The following POLR3B variants were observed in gnomAD, a reference collection of about 807,000 sequenced individuals.
The protein encoded by POLR3B is RNA polymerase III subunit B, also known as DNA-directed RNA polymerase III subunit RPC2.
Under a neutral mutation model 147.4 loss-of-function variants are expected in POLR3B, and 96 were observed. The observed-to-expected ratio is 0.65, with a 90% CI of 0.55 to 0.77. POLR3B has a LOEUF of 0.77. POLR3B is among the 30% of genes least tolerant of loss of function. POLR3B has a pLI of 0.00. For missense variants in POLR3B, 1,036 were observed against 1,413.5 expected (o/e 0.73, Z 4.28); for synonymous variants, 461 against 485.9 (o/e 0.95, Z 0.67).
chr12:106,378,937 G>A (rs1306594146), intron 8 of POLR3B, among the ~76,000 whole-genome samples: 1 of 152,160 alleles, frequency 6.6e-6, no homozygotes, highest in Non-Finnish European at 1.5e-5. Context: ...AGGTTAATGA[G>A]TTCTGGGAAT....
chr12:106,493,205 G>A lies in POLR3B; in HGVS notation c.2714-2850G>A, dbSNP rs138446064. On this transcript the variant is annotated intron_variant, in intron 23 of 27. Transcript: ENST00000228347. ...TCCAGGGGAGTGTTAACACATTGAAGCGCACCGCATATCATTTACATTTTA... is the reference window on the plus strand; with the variant it reads ...TCCAGGGGAGTGTTAACACATTGAAACGCACCGCATATCATTTACATTTTA... Among the ~76,000 whole-genome samples the A allele has an allele frequency of 4.5e-3, 692 of 152,256 alleles. 4 individuals carry two copies. The highest frequency in any genetic ancestry group is 0.016 in the African/African-American group (667 of 41,530).
At chr12:106,472,490 G>A (rs1349460573) in intron 23 of POLR3B, among the ~76,000 whole-genome samples, 1 of 149,576 alleles carries the variant, frequency 6.7e-6, no homozygotes, top group Non-Finnish European at 1.5e-5. Context: ...CAGTGTAAAA[G>A]TGTTCCTATT....
chr12:106,439,003 A>G (rs2037615580), intron 18 of POLR3B, among the ~76,000 whole-genome samples: 1 of 152,318 alleles, frequency 6.6e-6, no homozygotes, highest in East Asian at 1.9e-4. Flanking sequence ...ACTTACCTGA[A>G]ATTGGAATTC....
At chr12:106,398,771 T>G (rs1364981526) in intron 10 of POLR3B, among the ~76,000 whole-genome samples, 1 of 152,124 alleles carries the variant, frequency 6.6e-6, no homozygotes. Flanking sequence ...CAGCTGAGGG[T>G]ACTGTCTGTT....
At position 106,430,529 on chromosome 12, in the gene POLR3B, A is replaced by T. The variant is rs2037494311; in HGVS notation, c.1464+56A>T. The T allele has an allele frequency of 1.8e-5, 25 of 1,415,872 alleles. No individual in the cohort carries two copies. The South Asian group carries it at 2.9e-4, about 16-fold the overall frequency. 87.7% of individuals were successfully genotyped at this position (1,415,872 alleles called of 1,614,324 possible). A position where few individuals can be genotyped will look rare whatever the true frequency, so the allele number is the denominator to read the frequency against. On this transcript the variant is annotated intron_variant, in intron 14 of 27. Coordinates refer to ENST00000228347, the MANE Select transcript of POLR3B (RefSeq NM_018082.6). ...TAAGAGGCGATACCTATGTCTGTGC[A>T]TGGGGTGGGGTGGGGAGGTCTGCTT...
At chr12:106,402,492 C>T (rs889901134) in intron 10 of POLR3B, among the ~76,000 whole-genome samples, 7 of 152,226 alleles carry the variant, frequency 4.6e-5, no homozygotes, top group South Asian at 2.1e-4. Context: ...AAAAAGAGCC[C>T]GCATCGCCAA....
At chr12:106,358,105 T>C (rs899559652) in intron 1 of POLR3B, 154 bp downstream of exon 1, 10 of 1,510,458 alleles carry the variant, frequency 6.6e-6, no homozygotes, top group African/African-American at 2.8e-5. Context: ...TGCGAGTCTT[T>C]TTTCCAGAGC....
intron 23 of POLR3B, among the ~76,000 whole-genome samples, chr12:106,471,447 T>A (rs375887144): frequency 4.4e-4 from 67 of 152,222 alleles, no homozygotes; most frequent in African/African-American, 1.5e-3. Flanking sequence ...CTGCCCTGCT[T>A]CAGCTTGCCT....
At chr12:106,459,512 C>T (rs2037908540) in intron 22 of POLR3B, 144 bp downstream of exon 22, 1 of 688,400 alleles carries the variant, frequency 1.5e-6, no homozygotes, top group African/African-American at 1.8e-5. Context: ...AAAAGCATGG[C>T]ATAGAAGATA....
intron 25 of POLR3B, among the ~76,000 whole-genome samples, 194 bp downstream of exon 25, chr12:106,497,112 G>T (rs1592776919): frequency 6.9e-6 from 1 of 144,798 alleles, no homozygotes; most frequent in Non-Finnish European, 1.5e-5. Context: ...CATTATGAGA[G>T]TTTTTCATGA....
intron 10 of POLR3B, among the ~76,000 whole-genome samples, chr12:106,399,441 G>T (rs1281651349): frequency 3.3e-5 from 5 of 152,168 alleles, no homozygotes; most frequent in Non-Finnish European, 7.3e-5. Context: ...AATCTAGCAA[G>T]GCAGGCCAAC....
intron 19 of POLR3B, chr12:106,446,417 CAA>C (rs10654233): frequency 0.02 from 3,205 of 157,336 alleles, no homozygotes; most frequent in South Asian, 0.053. Flanking sequence ...CCTCTCCCCA[CAA>C]AAAAAAAAAA....
At chr12:106,358,283 T>C in intron 1 of POLR3B, 1 of 1,274,436 alleles carries the variant, frequency 7.8e-7, no homozygotes, top group Non-Finnish European at 1.0e-6. Context: ...ATGTTTGCAG[T>C]CTTACAGAGG....
intron 12 of POLR3B, among the ~76,000 whole-genome samples, chr12:106,415,506 G>A (rs1362831443): frequency 4.6e-5 from 7 of 152,132 alleles, no homozygotes; most frequent in Non-Finnish European, 1.0e-4. Context: ...GGATATGGGT[G>A]TATAAAGCAC....
chr12:106,458,665 C>T (rs560586045), intron 21 of POLR3B, among the ~76,000 whole-genome samples: 8 of 152,172 alleles, frequency 5.3e-5, no homozygotes, highest in Admixed American at 3.3e-4. Flanking sequence ...ACAGAGTACG[C>T]GACTTCTCCT....
At chr12:106,409,676 T>G (rs1489418358) in intron 11 of POLR3B, among the ~76,000 whole-genome samples, 1 of 149,176 alleles carries the variant, frequency 6.7e-6, no homozygotes, top group East Asian at 1.9e-4. Flanking sequence ...CTTGCTTGTT[T>G]TTTTTTTTTT....
intron 23 of POLR3B, among the ~76,000 whole-genome samples, chr12:106,488,895 C>G (rs115330791): frequency 0.016 from 2,469 of 152,220 alleles, 69 homozygotes; most frequent in African/African-American, 0.057. Context: ...CCAAGGAATT[C>G]TCAAGTTCCA....
chr12:106,426,129 A>G (rs1284783977), intron 12 of POLR3B, among the ~76,000 whole-genome samples: 1 of 151,798 alleles, frequency 6.6e-6, no homozygotes, highest in Non-Finnish European at 1.5e-5. Flanking sequence ...TGCCAGCAGC[A>G]CTGTCATCTC....
At chr12:106,457,079 T>C in intron 20 of POLR3B, 59 bp from the exon 21 acceptor site, 1 of 1,440,128 alleles carries the variant, frequency 6.9e-7, no homozygotes, top group Non-Finnish European at 9.8e-7. Context: ...CACAAATCCA[T>C]ATTTCCTTAT....
Sources: allele counts gnomAD v4.1 joint callset (sites outside exome capture counted in the v4.1 genomes callset), GRCh38; gene constraint gnomAD v4.1.1; transcripts MANE v1.5; gene names NCBI Gene and HGNC (gene_info 2026-07-23, HGNC 2026-07-21).